Variants in IGF1R observed in about 807,000 individuals in gnomAD.
IGF1R encodes insulin-like growth factor 1 receptor.
IGF1R carries 44 observed loss-of-function variants against 144.6 expected under a neutral mutation model. The observed-to-expected ratio is 0.30, with a 90% CI of 0.24 to 0.39. The LOEUF is 0.39. Among genes scored for constraint, IGF1R ranks in the 10% least tolerant of loss-of-function variants. The pLI is 1.00. For synonymous variants in IGF1R, 795 were observed against 722.8 expected (o/e 1.10, Z -1.60); for missense variants, 1,355 against 1,833.7 (o/e 0.74, Z 4.77).
In IGF1R at chr15:98,911,216, C is replaced by T. The variant is rs371301607; in HGVS notation, c.1463-99C>T. ...AGCCCAGAAGGGAACTTAGCATATA[C>T]AGCCAGCTTTGGGGAAGGGGGAAGC... On this transcript the variant is annotated intron_variant, in intron 6 of 20. Coordinates refer to ENST00000650285, the MANE Select transcript of IGF1R (RefSeq NM_000875.5). The T allele has an allele frequency of 9.9e-6, 14 of 1,408,274 alleles. No homozygotes were observed. In the African/African-American group the frequency reaches 1.6e-4, roughly 16 times the overall value. The allele number at this position is 1,408,274 out of a possible 1,614,324, so 87.2% of individuals were successfully genotyped here.
intron 6 of IGF1R, among the ~76,000 whole-genome samples, chr15:98,909,106 T>C (rs1234520292): frequency 6.6e-6 from 1 of 152,216 alleles, no homozygotes; most frequent in African/African-American, 2.4e-5. Context: ...ATTTATAAAT[T>C]CTGTACATCT....
intron 2 of IGF1R, among the ~76,000 whole-genome samples, chr15:98,724,420 G>T (rs4965429): frequency 0.95 from 144,046 of 152,144 alleles, 68,400 homozygotes; most frequent in Non-Finnish European, 0.98. Context: ...AAGCAGGGGT[G>T]ACTAAAGTGG....
At chr15:98,953,526 T>C (rs2016860354) in intron 20 of IGF1R, among the ~76,000 whole-genome samples, 1 of 151,836 alleles carries the variant, frequency 6.6e-6, no homozygotes, top group Non-Finnish European at 1.5e-5. Flanking sequence ...GAGCCAGGAG[T>C]GGCCCTGGCT....
rs574422885 is a variant in IGF1R at position 98,959,368 on chromosome 15, G to C, written c.*1926G>C. 8.6e-6 allele frequency: 2 copies of C among 233,494 alleles called. No homozygotes were observed. Among genetic ancestry groups the C allele is most frequent in the Admixed American group, 1.1e-4 (2 of 17,786 alleles). 14.5% of individuals were successfully genotyped at this position (233,494 alleles called of 1,614,324 possible). A position where few individuals can be genotyped will look rare whatever the true frequency, so the allele number is the denominator to read the frequency against. ...TCCGGCAGGGCCTGTTGTGGCCCTC[G>C]CCACCCCCCTCACCGGACCGACTGA... On this transcript the variant is annotated 3_prime_UTR_variant, in exon 21 of 21. Coordinates refer to ENST00000650285, the MANE Select transcript of IGF1R (RefSeq NM_000875.5).
chr15:98,880,623 T>A (rs2013322807), intron 2 of IGF1R: 1 of 152,190 alleles, frequency 6.6e-6, no homozygotes, highest in South Asian at 2.1e-4. Context: ...AGAACTAAGT[T>A]TTTTCTTCTT....
At chr15:98,939,576 TG>T (rs1200864981) in intron 18 of IGF1R, among the ~76,000 whole-genome samples, 2 of 152,236 alleles carry the variant, frequency 1.3e-5, no homozygotes, top group Non-Finnish European at 2.9e-5. Context: ...GTTCAGATAC[TG>T]GGCACGGTCC....
chr15:98,899,703 G>A, intron 5 of IGF1R, 82 bp downstream of exon 5: 1 of 1,363,720 alleles, frequency 7.3e-7, no homozygotes, highest in Non-Finnish European at 1.0e-6. Flanking sequence ...TGAGGTAAGA[G>A]CCCTCCCTGC....
In IGF1R at chr15:98,648,842, AGCAGGCGGCG is replaced by A. The variant is rs1184710610; in HGVS notation, c.-737_-728del. On this transcript the variant is annotated 5_prime_UTR_variant, in exon 1 of 21. Coordinates refer to ENST00000650285, the MANE Select transcript of IGF1R (RefSeq NM_000875.5). ...TCAGCGAGCCGGAGCCCCCGCGCAG[AGCAGGCGGCG>A]GCGGGCGGGGGCCGGGCGGGGGCCG... is the stretch of plus-strand genomic sequence containing the variant. 2.0e-5 allele frequency: 3 copies of A among 147,004 alleles called. No individual in the cohort carries two copies. The highest frequency in any genetic ancestry group is 5.1e-5 in the African/African-American group (2 of 39,242). 9.1% of individuals were successfully genotyped at this position (147,004 alleles called of 1,614,324 possible). A position where few individuals can be genotyped will look rare whatever the true frequency, so the allele number is the denominator to read the frequency against.
intron 2 of IGF1R, among the ~76,000 whole-genome samples, chr15:98,715,349 T>G (rs1295652701): frequency 6.6e-6 from 1 of 152,094 alleles, no homozygotes; most frequent in East Asian, 1.9e-4. Flanking sequence ...CCTTCAGAAG[T>G]TTTTAATAGG....
rs563637203 is a variant in IGF1R, at chr15:98,848,349, G to A, written c.641-42976G>A. ...ATACAGACCATCACCCACAGTTTACGTGTTCACACTAAAGTGCCAGTCTCT... is the reference window on the plus strand; with the variant it reads ...ATACAGACCATCACCCACAGTTTACATGTTCACACTAAAGTGCCAGTCTCT... On this transcript the variant is annotated intron_variant, in intron 2 of 20. Coordinates refer to ENST00000650285, the MANE Select transcript of IGF1R (RefSeq NM_000875.5). Among the ~76,000 whole-genome samples the A allele has an allele frequency of 4.6e-5, 7 of 152,280 alleles. No individual in the cohort carries two copies. The East Asian group carries it at 9.6e-4, about 21-fold the overall frequency.
At chr15:98,941,077 G>T (rs926122335) in intron 18 of IGF1R, among the ~76,000 whole-genome samples, 1 of 152,228 alleles carries the variant, frequency 6.6e-6, no homozygotes, top group Non-Finnish European at 1.5e-5. Flanking sequence ...GTGCAGGGGG[G>T]AGCCAGGTGG....
At chr15:98,660,314 C>A (rs1293162631) in intron 1 of IGF1R, 2 of 151,920 alleles carry the variant, frequency 1.3e-5, no homozygotes, top group Non-Finnish European at 2.9e-5. Context: ...TGTAATTTCA[C>A]CCTCTCTCTG....
chr15:98,931,236 C>T (rs2015928809), intron 15 of IGF1R, among the ~76,000 whole-genome samples: 2 of 152,206 alleles, frequency 1.3e-5, no homozygotes, highest in South Asian at 4.1e-4. Context: ...GGACCGGATT[C>T]ATCAAATGAA....
chr15:98,692,005 A>T (rs1286713882), intron 1 of IGF1R, among the ~76,000 whole-genome samples: 2 of 152,120 alleles, frequency 1.3e-5, no homozygotes, highest in African/African-American at 2.4e-5. Flanking sequence ...TTAGATTGGT[A>T]ATTTTTTTGT....
chr15:98,959,533 C>T lies in IGF1R; in HGVS notation c.*2091C>T. ...CTAGGTGGAGGCAGCACAGACGCCA[C>T]GGTGGCCCAAGAGCCCCTTTGCTTC... On this transcript the variant is annotated 3_prime_UTR_variant, in exon 21 of 21. Coordinates refer to ENST00000650285, the MANE Select transcript of IGF1R (RefSeq NM_000875.5). 4.3e-6 allele frequency: 1 copy of T among 233,538 alleles called. No homozygotes were observed. The highest frequency in any genetic ancestry group is 6.0e-5 in the East Asian group (1 of 16,564). 14.5% of individuals were successfully genotyped at this position (233,538 alleles called of 1,614,324 possible). A position where few individuals can be genotyped will look rare whatever the true frequency, so the allele number is the denominator to read the frequency against.
intron 2 of IGF1R, among the ~76,000 whole-genome samples, chr15:98,796,149 C>T (rs997965691): frequency 8.0e-6 from 1 of 125,698 alleles, no homozygotes; most frequent in Admixed American, 8.7e-5. Flanking sequence ...GTGTCACAGG[C>T]TGTGTGGGCC....
intron 19 of IGF1R, among the ~76,000 whole-genome samples, chr15:98,947,837 C>T (rs190728570): frequency 1.2e-4 from 19 of 152,336 alleles, no homozygotes; most frequent in Admixed American, 1.2e-3. Context: ...ACACAGAGGC[C>T]CTGCAGGCCA....
chr15:98,758,051 C>G (rs2055198358), intron 2 of IGF1R, among the ~76,000 whole-genome samples: 1 of 152,178 alleles, frequency 6.6e-6, no homozygotes, highest in African/African-American at 2.4e-5. Context: ...CCATGACTTT[C>G]TCTGTCTCCT....
intron 2 of IGF1R, among the ~76,000 whole-genome samples, chr15:98,856,305 G>GCATCGTC (rs749707509): frequency 3.0e-4 from 46 of 152,330 alleles, no homozygotes; most frequent in South Asian, 1.0e-3. Context: ...TATATGACGG[G>GCATCGTC]CATCGTCCAT....
Sources: allele counts gnomAD v4.1 joint callset (sites outside exome capture counted in the v4.1 genomes callset), GRCh38; gene constraint gnomAD v4.1.1; transcripts MANE v1.5; gene names NCBI Gene and HGNC (gene_info 2026-07-23, HGNC 2026-07-21).